CA10: variants seen among roughly 807,000 people sequenced by gnomAD.
CA10 encodes carbonic anhydrase 10 (inactive).
CA10 carries 14 observed loss-of-function variants against 44.2 expected under a neutral mutation model. The observed-to-expected ratio is 0.32, with a 90% CI of 0.21 to 0.50. The LOEUF (loss-of-function observed/expected upper bound fraction) is 0.50, where lower values mean the gene tolerates loss of function less well. Ranked by LOEUF, CA10 falls within the 20% of genes least tolerant of loss-of-function variation. The pLI is 0.99. For synonymous variants in CA10, 159 were observed against 141.6 expected, an observed-to-expected ratio of 1.12 and a Z score of -0.87; for missense variants, 350 against 409.7, an observed-to-expected ratio of 0.85 and a Z score of 1.26.
In CA10 at chr17:52,024,237, C is replaced by T. The variant is rs543311153; in HGVS notation, c.136+48082G>A. ...TCCATAGCCAGAAGGAGAACATCCC[C>T]GTTTGAGGTGATACTTCTTATACTG... On this transcript the variant is annotated intron_variant, in intron 2 of 8. Coordinates refer to ENST00000451037, the MANE Select transcript of CA10 (RefSeq NM_020178.5). Among the ~76,000 whole-genome samples the T allele has an allele frequency of 9.9e-5, 15 of 152,166 alleles. 2 individuals are homozygous for T. Among genetic ancestry groups the T allele is most frequent in the South Asian group, 4.1e-4 (2 of 4,826 alleles).
chr17:51,826,142 C>A (rs887352518), intron 3 of CA10, among the ~76,000 whole-genome samples: 2 of 152,174 alleles, frequency 1.3e-5, no homozygotes, highest in Non-Finnish European at 2.9e-5. Flanking sequence ...TTTTCTATGA[C>A]CTTTTTATAC....
chr17:51,674,495 G>C (rs1427256609), intron 4 of CA10, among the ~76,000 whole-genome samples: 1 of 152,030 alleles, frequency 6.6e-6, no homozygotes, highest in African/African-American at 2.4e-5. Context: ...CTTGCAAGGG[G>C]GATGGGATGA....
chr17:51,768,455 T>C (rs1031269894), intron 3 of CA10, among the ~76,000 whole-genome samples: 1 of 152,222 alleles, frequency 6.6e-6, no homozygotes, highest in African/African-American at 2.4e-5. Context: ...CTTTAAGACA[T>C]CAAATCTTCT....
At chr17:51,787,641 C>G (rs146418634) in intron 3 of CA10, among the ~76,000 whole-genome samples, 3 of 152,052 alleles carry the variant, frequency 2.0e-5, no homozygotes, top group Non-Finnish European at 4.4e-5. Flanking sequence ...CAGGTGCACA[C>G]CACCATGCCT....
Position 51,671,061 on chromosome 17 carries a change from T to C in CA10, c.466-17325A>G, listed in dbSNP as rs541363756. ...CTCCTATAGTTAGTGTTTTACTTCATGTCAGCTGTGGAGAAATAGGCACAG... is the reference window on the plus strand; with the variant it reads ...CTCCTATAGTTAGTGTTTTACTTCACGTCAGCTGTGGAGAAATAGGCACAG... On this transcript the variant is annotated intron_variant, in intron 4 of 8. Coordinates refer to ENST00000451037, the MANE Select transcript of CA10 (RefSeq NM_020178.5). Among the ~76,000 whole-genome samples, 4 of 152,310 alleles carry C rather than the reference T, an allele frequency of 2.6e-5. No homozygotes were observed. In the East Asian group the frequency reaches 7.7e-4, roughly 29 times the overall value.
At chr17:51,914,000 A>T (rs566521516) in intron 3 of CA10, among the ~76,000 whole-genome samples, 174 of 152,252 alleles carry the variant, frequency 1.1e-3, no homozygotes, top group Non-Finnish European at 1.9e-3. Context: ...TAAATTATGC[A>T]CATCATATGA....
In CA10 at chr17:51,747,662, G is replaced by A; in HGVS notation, c.436C>T (p.Leu146Phe). 1.2e-6 allele frequency: 2 copies of A among 1,613,712 alleles called. No individual in the cohort carries two copies. Among genetic ancestry groups the A allele is most frequent in the East Asian group, 2.2e-5 (1 of 44,876 alleles). ...CCAGAGAAGGCCTGTCCATTGAGGAGGTGCTCCGACCCTTGGCTGTCCTCA... is the reference window on the plus strand; with the variant it reads ...CCAGAGAAGGCCTGTCCATTGAGGAAGTGCTCCGACCCTTGGCTGTCCTCA... ...GSEDSQGSEHLLNGQAFSGEV... is the reference protein window; with the variant it reads ...GSEDSQGSEHFLNGQAFSGEV... The change falls in exon 4 of 9, where the codon CTC (leucine) becomes TTC (phenylalanine). Residue 146 changes from leucine to phenylalanine, a missense_variant. Coordinates refer to ENST00000451037, the MANE Select transcript of CA10 (RefSeq NM_020178.5).
chr17:51,787,935 G>T (rs1906357435), intron 3 of CA10, among the ~76,000 whole-genome samples: 2 of 151,664 alleles, frequency 1.3e-5, no homozygotes, highest in South Asian at 2.1e-4. Context: ...ATTTTGTATT[G>T]TTTTCATTTC....
intron 2 of CA10, among the ~76,000 whole-genome samples, chr17:52,060,231 TACAAAGTAGCTC>T (rs756504126): frequency 6.6e-6 from 1 of 152,152 alleles, no homozygotes; most frequent in Non-Finnish European, 1.5e-5. Context: ...AGGAATTTTA[TACAAAGTAGCTC>T]ACCAGTATTT....
intron 1 of CA10, among the ~76,000 whole-genome samples, chr17:52,096,405 C>T (rs28630713): frequency 6.6e-6 from 1 of 152,166 alleles, no homozygotes; most frequent in Non-Finnish European, 1.5e-5. Flanking sequence ...ACTGGTCTAT[C>T]TTGTTTTCCC....
chr17:51,862,301 T>C (rs1979346663), intron 3 of CA10, among the ~76,000 whole-genome samples: 1 of 152,166 alleles, frequency 6.6e-6, no homozygotes, highest in South Asian at 2.1e-4. Flanking sequence ...GGAGAGTCCC[T>C]TTTGCACTGA....
intron 2 of CA10, among the ~76,000 whole-genome samples, chr17:52,031,442 G>T (rs1312501645): frequency 6.6e-6 from 1 of 152,110 alleles, no homozygotes; most frequent in Non-Finnish European, 1.5e-5. Flanking sequence ...GAGCCACTGT[G>T]CCTGGCTGTG....
At chr17:52,106,284 C>T (rs773421232) in intron 1 of CA10, among the ~76,000 whole-genome samples, 8 of 152,142 alleles carry the variant, frequency 5.3e-5, no homozygotes, top group Non-Finnish European at 1.2e-4. Flanking sequence ...TGCTGCAACC[C>T]GCCCATGGCT....
chr17:51,799,094 G>T (rs16950532), intron 3 of CA10, among the ~76,000 whole-genome samples: 2,057 of 152,248 alleles, frequency 0.014, 52 homozygotes, highest in African/African-American at 0.046. Context: ...GTGTCCAAAT[G>T]TCTTTTGCAA....
At chr17:52,080,330 T>C (rs959274701) in intron 1 of CA10, among the ~76,000 whole-genome samples, 2 of 151,854 alleles carry the variant, frequency 1.3e-5, no homozygotes, top group African/African-American at 4.8e-5. Context: ...CCGGCGCCTG[T>C]AGTCCCAGCT....
rs183829994 is a variant in CA10, at chr17:52,129,017, C to T, written c.61+28709G>A. On this transcript the variant is annotated intron_variant, in intron 1 of 8. Transcript: ENST00000451037. ...TTTATTCGAATGGTAACTGAAATAA[C>T]ATATAACAAACACTGTAACAAGGAC... is the stretch of plus-strand genomic sequence containing the variant. Among the ~76,000 whole-genome samples, 189 of 152,252 alleles carry T rather than the reference C, an allele frequency of 1.2e-3. 1 individual carries two copies. The highest frequency in any genetic ancestry group is 0.01 in the Admixed American group (160 of 15,274).
At chr17:52,058,005 G>C (rs1042572820) in intron 2 of CA10, among the ~76,000 whole-genome samples, 3 of 152,084 alleles carry the variant, frequency 2.0e-5, no homozygotes, top group Non-Finnish European at 4.4e-5. Flanking sequence ...CTCTGAGAAG[G>C]ATTGGTACAA....
intron 3 of CA10, among the ~76,000 whole-genome samples, chr17:51,872,712 C>G (rs549579021): frequency 1.3e-5 from 2 of 152,178 alleles, no homozygotes; most frequent in Non-Finnish European, 2.9e-5. Flanking sequence ...AGGAATTTTG[C>G]AAACTGGTTA....
chr17:51,911,099 C>T (rs770924217), intron 3 of CA10, among the ~76,000 whole-genome samples: 14 of 152,124 alleles, frequency 9.2e-5, no homozygotes, highest in African/African-American at 2.9e-4. Context: ...TGTGACATTA[C>T]GTGGTTCCAC....
Sources: gnomAD v4.1 joint callset for allele counts (sites outside exome capture counted in the v4.1 genomes callset) on GRCh38, gnomAD v4.1.1 for gene constraint, MANE v1.5 for transcripts, NCBI Gene and HGNC (gene_info 2026-07-23, HGNC 2026-07-21) for gene names.